MON2: variants seen among roughly 807,000 people sequenced by gnomAD.
The protein encoded by MON2 is protein MON2 homolog.
A neutral mutation model predicts 208.6 loss-of-function variants in MON2; 84 were observed. The ratio of observed to expected loss-of-function variants is 0.40; its 90% CI spans 0.34 to 0.48. The LOEUF (loss-of-function observed/expected upper bound fraction) is 0.48. Ranked by LOEUF, MON2 falls within the 20% of genes least tolerant of loss-of-function variation. The pLI, the probability that MON2 is intolerant of heterozygous loss-of-function variation, is 0.59. For synonymous variants in MON2, 660 were observed against 694.0 expected (o/e 0.95, Z 0.77); for missense variants, 1,611 against 2,015.4 (o/e 0.80, Z 3.84).
At chr12:62,554,688 G>A (rs2136315967) in intron 24 of MON2, among the ~76,000 whole-genome samples, 1 of 152,106 alleles carries the variant, frequency 6.6e-6, no homozygotes, top group Admixed American at 6.5e-5. Context: ...TGTAGAGATA[G>A]TCTCACCATA....
At chr12:62,541,432 T>C (rs2073238156) in intron 19 of MON2, among the ~76,000 whole-genome samples, 1 of 151,482 alleles carries the variant, frequency 6.6e-6, no homozygotes, top group East Asian at 1.9e-4. Flanking sequence ...AGGATGATAC[T>C]TTTATAGTTA....
rs924009775 is a variant in MON2 at position 62,594,838 on chromosome 12, A to G, written c.*2089A>G. ...ATAAATGCCAGTCTTAGTGTGAAGC[A>G]AGTGGGTGGCCCCCTTGGTAGTATA... is the stretch of plus-strand genomic sequence containing the variant. On this transcript the variant is annotated 3_prime_UTR_variant, in exon 35 of 35. Transcript: ENST00000393630. 11 of 152,328 alleles carry G rather than the reference A, an allele frequency of 7.2e-5. No individual in the cohort carries two copies. The highest frequency in any genetic ancestry group is 2.6e-4 in the African/African-American group (11 of 41,584). 9.4% of individuals were successfully genotyped at this position (152,328 alleles called of 1,614,324 possible).
intron 19 of MON2, among the ~76,000 whole-genome samples, chr12:62,540,480 G>T (rs1268695430): frequency 6.6e-6 from 1 of 152,132 alleles, no homozygotes; most frequent in African/African-American, 2.4e-5. Context: ...GTAGGAAAGG[G>T]CAGGTTAATG....
At chr12:62,512,530 T>A (rs1426554185) in intron 8 of MON2, among the ~76,000 whole-genome samples, 2 of 152,210 alleles carry the variant, frequency 1.3e-5, no homozygotes, top group African/African-American at 4.8e-5. Context: ...AGAGGAGGGT[T>A]CCCATGGTCT....
intron 11 of MON2, among the ~76,000 whole-genome samples, chr12:62,529,505 T>C (rs2072515094): frequency 2.0e-5 from 3 of 152,182 alleles, no homozygotes; most frequent in African/African-American, 4.8e-5. Flanking sequence ...GATTTTGAGG[T>C]AGGACATTTT....
At chr12:62,493,185 A>G (rs2136045862) in intron 2 of MON2, among the ~76,000 whole-genome samples, 1 of 152,300 alleles carries the variant, frequency 6.6e-6, no homozygotes, top group Admixed American at 6.5e-5. Context: ...ATGTGTGTAG[A>G]TTTAATTTCA....
intron 12 of MON2, among the ~76,000 whole-genome samples, chr12:62,534,528 A>T (rs2072822238): frequency 9.6e-5 from 2 of 20,894 alleles, no homozygotes; most frequent in Middle Eastern, 0.024. Flanking sequence ...CAAAAAAAAA[A>T]AAAAAAAAAA....
chr12:62,520,702 A>G (rs890841236), intron 8 of MON2, among the ~76,000 whole-genome samples: 1 of 151,880 alleles, frequency 6.6e-6, no homozygotes, highest in Non-Finnish European at 1.5e-5. Flanking sequence ...TAGGAGACCG[A>G]TCACCTGAGG....
intron 22 of MON2, among the ~76,000 whole-genome samples, chr12:62,549,420 G>A (rs1286602241): frequency 6.9e-6 from 1 of 144,550 alleles, no homozygotes; most frequent in Admixed American, 7.2e-5. Context: ...AGGAAATTGA[G>A]ACCAGCCAAG....
intron 27 of MON2, 23 bp from the exon 28 acceptor site, chr12:62,565,991 G>C (rs1476766775): frequency 6.3e-7 from 1 of 1,599,464 alleles, no homozygotes; most frequent in Non-Finnish European, 8.5e-7. Flanking sequence ...TATTTGTCTT[G>C]CAACACAATG....
chr12:62,566,112 T>C (rs1274973691), intron 28 of MON2, 81 bp downstream of exon 28: 7 of 1,448,842 alleles, frequency 4.8e-6, no homozygotes, highest in Non-Finnish European at 6.7e-6. Flanking sequence ...TAGAATGCTG[T>C]ATGTGCTTTT....
intron 1 of MON2, among the ~76,000 whole-genome samples, chr12:62,473,812 C>G (rs2068919871): frequency 6.6e-6 from 1 of 152,134 alleles, no homozygotes; most frequent in Admixed American, 6.5e-5. Context: ...CTCAAGCAAT[C>G]CACCTGCCTC....
intron 8 of MON2, among the ~76,000 whole-genome samples, chr12:62,518,804 A>C (rs2071841012): frequency 6.6e-6 from 1 of 152,178 alleles, no homozygotes; most frequent in Non-Finnish European, 1.5e-5. Flanking sequence ...CTGAGTTGGC[A>C]AAGTTGAGAT....
rs143767639 is a variant in MON2, at chr12:62,560,510, G to C, written c.3429G>C (p.Trp1143Cys). ...LQPLGDFSRA[W>C]DVLLDHIQSA... is the part of the protein sequence containing the mutation. The stretch of plus-strand genomic sequence containing the variant: ...ATATAGGAGATTTTTCAAGAGCTTG[G>C]GATGTTCTTCTTGACCATATACAGT... The change falls in exon 26 of 35, where the codon TGG becomes TGC. Residue 1143 changes from tryptophan (W) to cysteine (C), a missense_variant. Physicochemically the swap from Trp to Cys is radical, Grantham distance 215. Coordinates refer to ENST00000393630, the MANE Select transcript of MON2 (RefSeq NM_015026.3). 1.7e-4 allele frequency: 271 copies of C among 1,607,056 alleles called. No individual in the cohort carries two copies. Among genetic ancestry groups the C allele is most frequent in the Non-Finnish European group, 2.3e-4 (266 of 1,178,244 alleles).
In MON2 at chr12:62,534,918, T is replaced by A; in HGVS notation, c.1707T>A (p.Leu569=). Residue 569 remains leucine (L), a synonymous_variant, in exon 13 of 35, where the codon CTT becomes CTA. Transcript: ENST00000393630. The part of the protein sequence containing the change: ...CGLLAALSLL[L]DASTDEAATE... ...TTCTTGCTGCACTCTCACTCCTTCTTGATGCCAGGTATTAAGTCTTTGTAA... is the reference window on the plus strand; with the variant it reads ...TTCTTGCTGCACTCTCACTCCTTCTAGATGCCAGGTATTAAGTCTTTGTAA... 1 of 1,610,218 alleles carries A rather than the reference T, an allele frequency of 6.2e-7. No homozygotes were observed. The highest frequency in any genetic ancestry group is 8.5e-7 in the Non-Finnish European group (1 of 1,177,014).
chr12:62,483,639 C>G (rs565733615), intron 1 of MON2, among the ~76,000 whole-genome samples: 1 of 152,142 alleles, frequency 6.6e-6, no homozygotes, highest in Non-Finnish European at 1.5e-5. Flanking sequence ...TGGCTTGAAC[C>G]AGGGAGGCGG....
chr12:62,496,830 T>C (rs558206885), intron 4 of MON2, among the ~76,000 whole-genome samples: 1 of 151,630 alleles, frequency 6.6e-6, no homozygotes, highest in Admixed American at 6.6e-5. Flanking sequence ...GGACTATAAA[T>C]CATGCTGCTA....
intron 8 of MON2, among the ~76,000 whole-genome samples, chr12:62,515,764 G>A (rs2071652995): frequency 2.6e-5 from 4 of 151,210 alleles, no homozygotes; most frequent in East Asian, 1.9e-4. Flanking sequence ...GCAGTGAACC[G>A]AGATCACACA....
At chr12:62,586,428 C>G (rs74234919) in intron 33 of MON2, among the ~76,000 whole-genome samples, 1 of 152,162 alleles carries the variant, frequency 6.6e-6, no homozygotes, top group East Asian at 1.9e-4. Context: ...TTTACATTCT[C>G]CCAGGAATGT....
Sources: gnomAD v4.1 joint callset for allele counts (sites outside exome capture counted in the v4.1 genomes callset) on GRCh38, gnomAD v4.1.1 for gene constraint, MANE v1.5 for transcripts, NCBI Gene and HGNC (gene_info 2026-07-23, HGNC 2026-07-21) for gene names.